Variants in INTU observed in about 807,000 individuals in gnomAD.
The protein encoded by INTU is protein inturned.
In INTU, 68 loss-of-function variants were observed where a neutral mutation model predicts 100.5. That is an observed-to-expected ratio of 0.68 (90% CI 0.56 to 0.83). The LOEUF (loss-of-function observed/expected upper bound fraction) is 0.83. Ranked by LOEUF, INTU falls within the 40% of genes least tolerant of loss-of-function variation. The pLI is 0.00. For missense variants in INTU, 1,071 were observed against 1,114.7 expected, an observed-to-expected ratio of 0.96 and a Z score of 0.56; for synonymous variants, 357 against 395.7, an observed-to-expected ratio of 0.90 and a Z score of 1.16.
In INTU at chr4:127,705,685, A is replaced by C; in HGVS notation, c.1661A>C (p.Gln554Pro). 1 of 1,614,028 alleles carries C rather than the reference A, an allele frequency of 6.2e-7. No individual in the cohort carries two copies. The highest frequency in any genetic ancestry group is 8.5e-7 in the Non-Finnish European group (1 of 1,179,942). ...TGCCTGCTGCCTTTAGCAGCAAAAC[A>C]AAGAATTGGTCAGTTGATCATATGG... ...HYCLLPLAAKQRIGQLIIWRE... is the reference protein window; with the variant it reads ...HYCLLPLAAKPRIGQLIIWRE... Residue 554 changes from glutamine (Q) to proline (P), a missense_variant, in exon 11 of 16, where the codon CAA becomes CCA. Transcript: ENST00000335251.
rs1029354730 is a variant in INTU, at chr4:127,705,483, A to G, written c.1567-108A>G. 3.0e-5 allele frequency: 25 copies of G among 820,516 alleles called. No homozygotes were observed. In the East Asian group the frequency reaches 6.2e-4, roughly 20 times the overall value. The allele number at this position is 820,516 out of a possible 1,614,324, so 50.8% of individuals were successfully genotyped here. ...ATCTTCATTTACCCCATTTGAAACTAGAATATTCTAAACCAACGGAAGAAG... is the reference window on the plus strand; with the variant it reads ...ATCTTCATTTACCCCATTTGAAACTGGAATATTCTAAACCAACGGAAGAAG... On this transcript the variant is annotated intron_variant, in intron 10 of 15. Transcript: ENST00000335251.
chr4:127,649,104 G>A (rs1187391832), intron 2 of INTU, among the ~76,000 whole-genome samples: 2 of 152,172 alleles, frequency 1.3e-5, no homozygotes, highest in African/African-American at 4.8e-5. Flanking sequence ...AGGAATAGCA[G>A]TACCTACAGT....
At chr4:127,705,037 A>G (rs1404976176) in intron 10 of INTU, among the ~76,000 whole-genome samples, 2 of 151,986 alleles carry the variant, frequency 1.3e-5, no homozygotes, top group African/African-American at 2.4e-5. Flanking sequence ...AGCTGCAGTG[A>G]GCTGAGTTCG....
intron 13 of INTU, 132 bp downstream of exon 13, chr4:127,708,800 G>A (rs370016568): frequency 4.5e-5 from 23 of 513,876 alleles, no homozygotes; most frequent in African/African-American, 3.9e-5. Context: ...TAATATCTGT[G>A]GTATTTCTTT....
In INTU at chr4:127,716,764, T is replaced by C. The variant is rs1407390102; in HGVS notation, c.*328T>C. The C allele has an allele frequency of 6.3e-6, 1 of 159,240 alleles. No homozygotes were observed. The highest frequency in any genetic ancestry group is 2.4e-5 in the African/African-American group (1 of 41,762). 9.9% of individuals were successfully genotyped at this position (159,240 alleles called of 1,614,324 possible). A position where few individuals can be genotyped will look rare whatever the true frequency, so the allele number is the denominator to read the frequency against. On this transcript the variant is annotated 3_prime_UTR_variant, in exon 16 of 16. Coordinates refer to ENST00000335251, the MANE Select transcript of INTU (RefSeq NM_015693.4). ...ATCAGATTAATATAGGAAATGTTTA[T>C]TCTTGAAAAATACTCAATTTGTTGT...
intron 9 of INTU, among the ~76,000 whole-genome samples, chr4:127,701,242 T>C (rs1730634646): frequency 6.6e-6 from 1 of 152,136 alleles, no homozygotes; most frequent in Non-Finnish European, 1.5e-5. Context: ...GACTGGCAAA[T>C]ACTGCAGGAC....
intron 6 of INTU, among the ~76,000 whole-genome samples, chr4:127,674,671 T>G (rs765712570): frequency 6.6e-6 from 1 of 152,214 alleles, no homozygotes; most frequent in Non-Finnish European, 1.5e-5. Context: ...CATCTTATAT[T>G]ATCATGGTCT....
chr4:127,650,848 G>T (rs1212753911), intron 2 of INTU, among the ~76,000 whole-genome samples: 1 of 152,102 alleles, frequency 6.6e-6, no homozygotes, highest in Non-Finnish European at 1.5e-5. Context: ...CAGTGTAAAA[G>T]TGTTCCTATT....
At chr4:127,651,536 C>A (rs971458453) in intron 2 of INTU, among the ~76,000 whole-genome samples, 1 of 152,004 alleles carries the variant, frequency 6.6e-6, no homozygotes, top group Non-Finnish European at 1.5e-5. Flanking sequence ...TGTAGATAAG[C>A]GGCGTTATTT....
chr4:127,710,085 A>T (rs1029294495), intron 13 of INTU, among the ~76,000 whole-genome samples: 4 of 152,156 alleles, frequency 2.6e-5, no homozygotes, highest in African/African-American at 9.6e-5. Context: ...TCAGAATTTT[A>T]AAAATATGTA....
intron 8 of INTU, among the ~76,000 whole-genome samples, chr4:127,693,188 A>G (rs1015937639): frequency 6.6e-5 from 10 of 152,140 alleles, no homozygotes; most frequent in Non-Finnish European, 1.2e-4. Context: ...CATTTTCACA[A>G]TATTGATTCT....
At chr4:127,710,055 G>T (rs1432616873) in intron 13 of INTU, among the ~76,000 whole-genome samples, 1 of 152,010 alleles carries the variant, frequency 6.6e-6, no homozygotes, top group Non-Finnish European at 1.5e-5. Flanking sequence ...CTATTGCTCT[G>T]AAATTTTATT....
chr4:127,692,062 CAT>C lies in INTU; in HGVS notation c.1449+4196_1449+4197del, dbSNP rs564464764. On this transcript the variant is annotated intron_variant, in intron 8 of 15. Coordinates refer to ENST00000335251, the MANE Select transcript of INTU (RefSeq NM_015693.4). The stretch of plus-strand genomic sequence containing the variant: ...TAATTGCGAATTGTGCTGCCATAAA[CAT>C]GTGTGCAAATATCTTATTTGTATAA... Among the ~76,000 whole-genome samples the C allele has an allele frequency of 2.0e-4, 30 of 149,948 alleles. No individual in the cohort carries two copies. In the East Asian group the frequency reaches 3.9e-3, roughly 20 times the overall value.
intron 9 of INTU, 32 bp downstream of exon 9, chr4:127,700,095 C>T (rs1350756314): frequency 3.9e-6 from 6 of 1,520,242 alleles, no homozygotes; most frequent in African/African-American, 1.4e-5. Flanking sequence ...ATAAAAGGCT[C>T]AATGTTGAAT....
At chr4:127,677,921 G>T (rs1485917941) in intron 6 of INTU, among the ~76,000 whole-genome samples, 2 of 152,312 alleles carry the variant, frequency 1.3e-5, no homozygotes, top group African/African-American at 4.8e-5. Context: ...CTGCTGGAGT[G>T]GAAAGCCAAG....
intron 3 of INTU, among the ~76,000 whole-genome samples, chr4:127,661,117 C>T (rs1299150921): frequency 6.6e-6 from 1 of 152,010 alleles, no homozygotes; most frequent in Non-Finnish European, 1.5e-5. Context: ...AAATAGTTCC[C>T]TAAGGAATTT....
chr4:127,636,223 C>G (rs1727063385), intron 1 of INTU, among the ~76,000 whole-genome samples: 2 of 152,026 alleles, frequency 1.3e-5, no homozygotes, highest in South Asian at 4.2e-4. Flanking sequence ...GAGCTGTGAT[C>G]ACACCATTGC....
At chr4:127,646,710 A>T (rs1432770938) in intron 2 of INTU, among the ~76,000 whole-genome samples, 6 of 152,194 alleles carry the variant, frequency 3.9e-5, no homozygotes, top group African/African-American at 1.4e-4. Flanking sequence ...AACAGTTTTC[A>T]CAAAAGCAAG....
chr4:127,641,833 A>G (rs1365599836), intron 1 of INTU, among the ~76,000 whole-genome samples: 2 of 152,190 alleles, frequency 1.3e-5, no homozygotes, highest in South Asian at 2.1e-4. Flanking sequence ...CACCACGTGC[A>G]TGGATCTTTG....
Sources: allele counts gnomAD v4.1 joint callset (sites outside exome capture counted in the v4.1 genomes callset), GRCh38; gene constraint gnomAD v4.1.1; transcripts MANE v1.5; gene names NCBI Gene and HGNC (gene_info 2026-07-23, HGNC 2026-07-21).